The following RCOR1 variants were observed in gnomAD, a reference collection of about 807,000 sequenced individuals.
The protein encoded by RCOR1 is REST corepressor.
Under a neutral mutation model 64.0 loss-of-function variants are expected in RCOR1, and 12 were observed. The observed-to-expected ratio is 0.19, with a 90% CI of 0.12 to 0.30. The LOEUF (loss-of-function observed/expected upper bound fraction) is 0.30, where lower values mean the gene tolerates loss of function less well. Ranked by LOEUF, RCOR1 falls within the 10% of genes least tolerant of loss-of-function variation. The probability of loss-of-function intolerance (pLI) is 1.00; values close to 1 mark genes in which losing one functional copy is unlikely to be tolerated. For missense variants in RCOR1, 502 were observed against 621.2 expected, an observed-to-expected ratio of 0.81 and a Z score of 2.04; for synonymous variants, 279 against 227.2, an observed-to-expected ratio of 1.23 and a Z score of -2.05.
intron 2 of RCOR1, among the ~76,000 whole-genome samples, chr14:102,608,636 T>C (rs1474751239): frequency 6.6e-6 from 1 of 152,066 alleles, no homozygotes; most frequent in African/African-American, 2.4e-5. Context: ...GGTTTCACCA[T>C]TTTGGCCAGG....
intron 2 of RCOR1, among the ~76,000 whole-genome samples, chr14:102,614,453 T>C (rs1199880336): frequency 1.3e-5 from 2 of 150,246 alleles, no homozygotes; most frequent in Non-Finnish European, 3.0e-5. Context: ...CTCGATCTCT[T>C]GACCTCGTGA....
rs987542473 is a variant in RCOR1, at chr14:102,701,168, A to G, written c.446-110A>G. 1.4e-5 allele frequency: 13 copies of G among 928,980 alleles called. No homozygotes were observed. In the African/African-American group the frequency reaches 2.0e-4, roughly 14 times the overall value. The allele number at this position is 928,980 out of a possible 1,614,324, so 57.5% of individuals were successfully genotyped here. On this transcript the variant is annotated intron_variant, in intron 3 of 11. Coordinates refer to ENST00000262241, the MANE Select transcript of RCOR1 (RefSeq NM_015156.4). ...CAAAATGAGATTTGGGTGGGGACAC[A>G]GCCAAACCATATCAGCAGGCCTGAA...
At chr14:102,632,673 CCTTT>C (rs1894144676) in intron 2 of RCOR1, among the ~76,000 whole-genome samples, 2 of 37,408 alleles carry the variant, frequency 5.3e-5, no homozygotes, top group East Asian at 6.9e-4. Flanking sequence ...CCTTTCCTTT[CCTTT>C]CCTTTTCCTT....
chr14:102,647,345 T>C (rs1894497460), intron 2 of RCOR1, among the ~76,000 whole-genome samples: 1 of 152,072 alleles, frequency 6.6e-6, no homozygotes, highest in African/African-American at 2.4e-5. Context: ...TGAGATGGAG[T>C]CTCGCTCTTT....
At chr14:102,604,269 A>G (rs530895133) in intron 2 of RCOR1, among the ~76,000 whole-genome samples, 3 of 152,356 alleles carry the variant, frequency 2.0e-5, no homozygotes, top group Admixed American at 1.3e-4. Context: ...GTTAAAGGTT[A>G]AAGTTACAGC....
At chr14:102,614,057 G>A (rs1893694777) in intron 2 of RCOR1, among the ~76,000 whole-genome samples, 2 of 151,282 alleles carry the variant, frequency 1.3e-5, no homozygotes, top group East Asian at 2.0e-4. Flanking sequence ...CACTACACCC[G>A]GCTGATTTTG....
At chr14:102,619,407 AC>A (rs1893825930) in intron 2 of RCOR1, among the ~76,000 whole-genome samples, 1 of 148,210 alleles carries the variant, frequency 6.7e-6, no homozygotes, top group South Asian at 2.1e-4. Context: ...GATGTGAGCC[AC>A]CCCACCTGGC....
chr14:102,693,594 G>C (rs964773546), intron 3 of RCOR1, among the ~76,000 whole-genome samples: 2 of 151,308 alleles, frequency 1.3e-5, no homozygotes, highest in Admixed American at 6.6e-5. Context: ...AGGAGAGCCT[G>C]CCCTCTCATA....
intron 6 of RCOR1, among the ~76,000 whole-genome samples, chr14:102,709,529 AC>A (rs1895917512): frequency 6.6e-6 from 1 of 152,212 alleles, no homozygotes; most frequent in South Asian, 2.1e-4. Context: ...TGAAAGAGTA[AC>A]ATGTGAGAAC....
At position 102,707,298 on chromosome 14, in the gene RCOR1, C is replaced by T. The variant is rs958079625; in HGVS notation, c.499-53C>T. The T allele has an allele frequency of 2.7e-6, 4 of 1,465,268 alleles. No homozygotes were observed. In the East Asian group the frequency reaches 9.5e-5, roughly 35 times the overall value. The allele number at this position is 1,465,268 out of a possible 1,614,324, so 90.8% of individuals were successfully genotyped here. On this transcript the variant is annotated intron_variant, in intron 4 of 11. Transcript: ENST00000262241. The stretch of plus-strand genomic sequence containing the variant: ...ACTTTTCTTTTGCTGGTCTCATTTC[C>T]ATTTTCATTGTTTTTTGTTTGATCT...
At chr14:102,707,554 T>A in intron 5 of RCOR1, 42 bp downstream of exon 5, 3 of 1,489,690 alleles carry the variant, frequency 2.0e-6, no homozygotes, top group Non-Finnish European at 9.1e-7. Flanking sequence ...TTTTCTCCTA[T>A]CTAACTCTCT....
intron 2 of RCOR1, among the ~76,000 whole-genome samples, chr14:102,645,231 GA>G (rs1894456849): frequency 6.6e-6 from 1 of 152,136 alleles, no homozygotes; most frequent in Admixed American, 6.6e-5. Flanking sequence ...AAAATCCTTA[GA>G]AGGCTCTTGG....
At chr14:102,614,391 A>AT (rs1186192835) in intron 2 of RCOR1, among the ~76,000 whole-genome samples, 1 of 149,930 alleles carries the variant, frequency 6.7e-6, no homozygotes, top group African/African-American at 2.5e-5. Context: ...TGCCCGGCTA[A>AT]TTTTTTGCAT....
intron 2 of RCOR1, among the ~76,000 whole-genome samples, chr14:102,605,982 G>T (rs996124518): frequency 1.8e-4 from 27 of 152,168 alleles, no homozygotes; most frequent in African/African-American, 5.8e-4. Context: ...CTGGAGTCCA[G>T]TGGCATGATC....
At chr14:102,632,761 TCCC>T (rs1567415364) in intron 2 of RCOR1, among the ~76,000 whole-genome samples, 2 of 55,178 alleles carry the variant, frequency 3.6e-5, no homozygotes, top group Non-Finnish European at 6.2e-5. Flanking sequence ...TCCCCTCCCC[TCCC>T]CTCCCCTCTC....
chr14:102,711,504 A>G (rs762481421), intron 7 of RCOR1, among the ~76,000 whole-genome samples: 18 of 152,214 alleles, frequency 1.2e-4, no homozygotes, highest in Non-Finnish European at 2.5e-4. Flanking sequence ...CCTCTCTCAC[A>G]TGGTGACTGT....
chr14:102,608,982 C>T (rs1185724981), intron 2 of RCOR1, among the ~76,000 whole-genome samples: 1 of 142,282 alleles, frequency 7.0e-6, no homozygotes, highest in Non-Finnish European at 1.5e-5. Context: ...GGGTATATAT[C>T]TATTAGTGGA....
chr14:102,669,976 A>G (rs1274238343), intron 2 of RCOR1, among the ~76,000 whole-genome samples: 2 of 152,180 alleles, frequency 1.3e-5, no homozygotes, highest in Non-Finnish European at 2.9e-5. Flanking sequence ...TTAGAGACAG[A>G]GCCTTGCTTT....
At chr14:102,654,278 C>T (rs888959244) in intron 2 of RCOR1, among the ~76,000 whole-genome samples, 3 of 151,936 alleles carry the variant, frequency 2.0e-5, no homozygotes, top group Non-Finnish European at 4.4e-5. Context: ...TGAGCCATTG[C>T]GCCCGGCCAG....
Sources: gnomAD v4.1 joint callset for allele counts (sites outside exome capture counted in the v4.1 genomes callset) on GRCh38, gnomAD v4.1.1 for gene constraint, MANE v1.5 for transcripts, NCBI Gene and HGNC (gene_info 2026-07-23, HGNC 2026-07-21) for gene names.